The following FHIT variants were observed in gnomAD, a reference collection of about 807,000 sequenced individuals.
FHIT encodes the protein bis(5'-adenosyl)-triphosphatase.
Under a neutral mutation model 17.9 loss-of-function variants are expected in FHIT, and 19 were observed. The ratio of observed to expected loss-of-function variants is 1.06; its 90% CI spans 0.74 to 1.56. The LOEUF (loss-of-function observed/expected upper bound fraction) is 1.56, where lower values mean the gene tolerates loss of function less well. FHIT is among the 40% of genes most tolerant of loss of function. The probability of loss-of-function intolerance (pLI) is 0.00; values close to 1 mark genes in which losing one functional copy is unlikely to be tolerated. For synonymous variants in FHIT, 81 were observed against 69.7 expected, an observed-to-expected ratio of 1.16 and a Z score of -0.81; for missense variants, 248 against 189.2, an observed-to-expected ratio of 1.31 and a Z score of -1.82.
At chr3:60,387,588 C>G (rs908899859) in intron 5 of FHIT, among the ~76,000 whole-genome samples, 4 of 152,084 alleles carry the variant, frequency 2.6e-5, no homozygotes, top group African/African-American at 9.7e-5. Flanking sequence ...TCTCTCCCCC[C>G]TCACCTTTCT....
chr3:60,716,676 C>G (rs2041691732), intron 4 of FHIT, among the ~76,000 whole-genome samples: 1 of 152,140 alleles, frequency 6.6e-6, no homozygotes, highest in Non-Finnish European at 1.5e-5. Flanking sequence ...GTAGATAGTT[C>G]ATAAACCAGT....
At chr3:59,799,026 A>T (rs2106965058) in intron 8 of FHIT, among the ~76,000 whole-genome samples, 1 of 152,312 alleles carries the variant, frequency 6.6e-6, no homozygotes, top group Non-Finnish European at 1.5e-5. Flanking sequence ...AAACAAACCA[A>T]AGGGAAGCTG....
intron 8 of FHIT, among the ~76,000 whole-genome samples, chr3:59,899,559 C>T (rs182926159): frequency 8.1e-4 from 123 of 152,230 alleles, no homozygotes; most frequent in Non-Finnish European, 1.3e-3. Context: ...GTAGGCCAGG[C>T]GCAGTGGCTC....
intron 1 of FHIT, among the ~76,000 whole-genome samples, chr3:61,232,477 T>C (rs1455819250): frequency 6.6e-6 from 1 of 152,192 alleles, no homozygotes; most frequent in African/African-American, 2.4e-5. Flanking sequence ...TGAGTCATAA[T>C]TTCCCATATA....
chr3:59,963,844 G>T (rs1285246250), intron 7 of FHIT, among the ~76,000 whole-genome samples: 1 of 152,126 alleles, frequency 6.6e-6, no homozygotes, highest in Admixed American at 6.5e-5. Context: ...TTTCCATGGG[G>T]ACATAGGCAG....
chr3:60,760,117 A>G (rs920935674), intron 4 of FHIT, among the ~76,000 whole-genome samples: 7 of 145,304 alleles, frequency 4.8e-5, no homozygotes, highest in African/African-American at 1.5e-4. Context: ...TCGTTCTTTC[A>G]TCTCTTTAGT....
chr3:60,316,257 T>C (rs1483163660), intron 5 of FHIT, among the ~76,000 whole-genome samples: 2 of 152,094 alleles, frequency 1.3e-5, no homozygotes, highest in African/African-American at 4.8e-5. Flanking sequence ...TCTTTCTGGG[T>C]GTATGGCAGA....
intron 3 of FHIT, among the ~76,000 whole-genome samples, chr3:60,957,297 G>A (rs1407262442): frequency 3.4e-5 from 5 of 146,032 alleles, no homozygotes; most frequent in African/African-American, 5.1e-5. Flanking sequence ...GAGTGCAGTG[G>A]CGCGATCTCA....
chr3:61,238,497 T>A lies in FHIT; in HGVS notation c.-213+12804A>T, dbSNP rs530283835. Among the ~76,000 whole-genome samples, 7 of 152,278 alleles carry A rather than the reference T, an allele frequency of 4.6e-5. No homozygotes were observed. In the East Asian group the frequency reaches 1.4e-3, roughly 29 times the overall value. ...TTACAGTCCAAAGGGAAGAGAAGCA[T>A]TGATTTAAAATCAAAGGTTAAATAA... On this transcript the variant is annotated intron_variant, in intron 1 of 9. Transcript: ENST00000492590.
chr3:61,026,235 T>C lies in FHIT; in HGVS notation c.-111+15812A>G, dbSNP rs368378217. The stretch of plus-strand genomic sequence containing the variant: ...GTAAAGGAGTCAGCTTTGTACTCTC[T>C]GTCTGCTGTTTTTTGCTTCCTCTCA... On this transcript the variant is annotated intron_variant, in intron 3 of 9. Coordinates refer to ENST00000492590, the MANE Select transcript of FHIT (RefSeq NM_002012.4). Among the ~76,000 whole-genome samples, 15 of 152,300 alleles carry C rather than the reference T, an allele frequency of 9.8e-5. No individual in the cohort carries two copies. In the South Asian group the frequency reaches 2.7e-3, roughly 27 times the overall value.
chr3:60,499,342 T>G (rs146501142), intron 5 of FHIT, among the ~76,000 whole-genome samples: 77 of 152,348 alleles, frequency 5.1e-4, no homozygotes, highest in Middle Eastern at 6.8e-3. Flanking sequence ...CTTATTAATC[T>G]GGTTCCAGAC....
chr3:60,524,488 C>A (rs2035499379), intron 5 of FHIT, among the ~76,000 whole-genome samples: 1 of 152,074 alleles, frequency 6.6e-6, no homozygotes. Context: ...GTTAAACAAA[C>A]AACAAGGAAT....
chr3:59,821,325 T>C (rs368111254), intron 8 of FHIT, among the ~76,000 whole-genome samples: 1 of 152,360 alleles, frequency 6.6e-6, no homozygotes, highest in South Asian at 2.1e-4. Context: ...TTGGCTTTTA[T>C]AAGAGGTCTT....
At chr3:60,451,370 C>A (rs948241524) in intron 5 of FHIT, among the ~76,000 whole-genome samples, 3 of 152,096 alleles carry the variant, frequency 2.0e-5, no homozygotes, top group Non-Finnish European at 2.9e-5. Flanking sequence ...TTCTTTCAGA[C>A]CTTCTTCATT....
intron 3 of FHIT, among the ~76,000 whole-genome samples, chr3:60,832,367 C>T (rs181837590): frequency 2.3e-4 from 35 of 152,192 alleles, no homozygotes; most frequent in Admixed American, 2.0e-3. Flanking sequence ...GACAGAATGA[C>T]TCACTGGACA....
At chr3:59,967,286 TAAAA>T (rs886108688) in intron 7 of FHIT, among the ~76,000 whole-genome samples, 1 of 152,086 alleles carries the variant, frequency 6.6e-6, no homozygotes, top group African/African-American at 2.4e-5. Flanking sequence ...AAAATAACAA[TAAAA>T]AAGTATAGTA....
chr3:60,611,265 T>C (rs1468132717), intron 4 of FHIT, among the ~76,000 whole-genome samples: 4 of 152,142 alleles, frequency 2.6e-5, no homozygotes, highest in Non-Finnish European at 5.9e-5. Context: ...GTTGGTCCAA[T>C]GAAAAAGAGG....
chr3:60,431,905 T>C (rs1702921490), intron 5 of FHIT, among the ~76,000 whole-genome samples: 1 of 152,076 alleles, frequency 6.6e-6, no homozygotes, highest in Non-Finnish European at 1.5e-5. Flanking sequence ...AGAGGAAACA[T>C]GCAAATACAC....
chr3:61,087,335 T>A (rs1442496278), intron 2 of FHIT, among the ~76,000 whole-genome samples: 1 of 152,146 alleles, frequency 6.6e-6, no homozygotes, highest in Non-Finnish European at 1.5e-5. Context: ...GGGACCACTT[T>A]TGTATATTAT....
Sources: gnomAD v4.1 joint callset for allele counts (sites outside exome capture counted in the v4.1 genomes callset) on GRCh38, gnomAD v4.1.1 for gene constraint, MANE v1.5 for transcripts, NCBI Gene and HGNC (gene_info 2026-07-23, HGNC 2026-07-21) for gene names.